Variants in TANK observed in about 807,000 individuals in gnomAD.
TANK encodes the protein TRAF family member associated NFKB activator.
In TANK, 15 loss-of-function variants were observed where a neutral mutation model predicts 43.6. The ratio of observed to expected loss-of-function variants is 0.34; its 90% CI spans 0.23 to 0.53. The LOEUF (loss-of-function observed/expected upper bound fraction) is 0.53, where lower values mean the gene tolerates loss of function less well. Ranked by LOEUF, TANK falls within the 20% of genes least tolerant of loss-of-function variation. The pLI, the probability that TANK is intolerant of heterozygous loss-of-function variation, is 0.94. For synonymous variants in TANK, 162 were observed against 178.2 expected, an observed-to-expected ratio of 0.91 and a Z score of 0.73; for missense variants, 417 against 498.6, an observed-to-expected ratio of 0.84 and a Z score of 1.56.
chr2:161,230,096 T>G (rs920184179), intron 6 of TANK, among the ~76,000 whole-genome samples: 1 of 152,222 alleles, frequency 6.6e-6, no homozygotes, highest in Non-Finnish European at 1.5e-5. Flanking sequence ...CCCTTTTAAT[T>G]TGCTGTTTCA....
intron 1 of TANK, among the ~76,000 whole-genome samples, chr2:161,169,999 C>T (rs1417412625): frequency 2.6e-5 from 4 of 152,188 alleles, no homozygotes; most frequent in African/African-American, 9.6e-5. Flanking sequence ...TAGGGAACCA[C>T]CTTCTTCATT....
At chr2:161,180,024 T>C (rs944622763) in intron 2 of TANK, 1 of 1,103,154 alleles carries the variant, frequency 9.1e-7, no homozygotes, top group Non-Finnish European at 1.1e-6. Context: ...CCATAAATAA[T>C]TTTAAAATAT....
intron 4 of TANK, chr2:161,219,666 G>A: frequency 2.4e-6 from 1 of 409,428 alleles, no homozygotes; most frequent in South Asian, 1.9e-5. Flanking sequence ...TTTTGGTCCT[G>A]TTTTATACCT....
At chr2:161,197,329 C>T (rs904455875) in intron 2 of TANK, 1 of 152,050 alleles carries the variant, frequency 6.6e-6, no homozygotes. Context: ...GTTTTCTTTG[C>T]TTGACAGAAT....
chr2:161,194,436 C>T (rs779105066), intron 2 of TANK, among the ~76,000 whole-genome samples: 7 of 151,446 alleles, frequency 4.6e-5, no homozygotes, highest in Non-Finnish European at 7.4e-5. Context: ...TTCTTTGTAC[C>T]GAGAAGAAAA....
In TANK at chr2:161,231,822, T is replaced by C. The variant is rs554166585; in HGVS notation, c.1101+271T>C. ...ATCCATATCTGTCGTGGTGTCACTT[T>C]CTTAGTTCCTTATTCAAAGCTTGTT... On this transcript the variant is annotated intron_variant, in intron 7 of 7. Transcript: ENST00000392749. Among the ~76,000 whole-genome samples, 12 of 152,362 alleles carry C rather than the reference T, an allele frequency of 7.9e-5. No homozygotes were observed. In the South Asian group the frequency reaches 2.3e-3, roughly 29 times the overall value.
chr2:161,158,329 T>C (rs1051149406), upstream of TANK, among the ~76,000 whole-genome samples: 3 of 152,226 alleles, frequency 2.0e-5, no homozygotes, highest in Non-Finnish European at 4.4e-5. Flanking sequence ...GTCAACTCAA[T>C]TTCTAACCTT....
At chr2:161,182,663 G>T (rs1033284645) in intron 2 of TANK, among the ~76,000 whole-genome samples, 1 of 152,066 alleles carries the variant, frequency 6.6e-6, no homozygotes, top group Non-Finnish European at 1.5e-5. Flanking sequence ...CTCCCCAGAA[G>T]TTCCCTGAAC....
At chr2:161,199,091 A>G (rs930878910) in intron 2 of TANK, among the ~76,000 whole-genome samples, 5 of 152,178 alleles carry the variant, frequency 3.3e-5, no homozygotes, top group African/African-American at 1.2e-4. Flanking sequence ...CTAAAGTGCT[A>G]TGTATTAGGA....
chr2:161,173,636 C>CT (rs567358633), intron 1 of TANK, among the ~76,000 whole-genome samples: 1,800 of 149,160 alleles, frequency 0.012, 37 homozygotes, highest in African/African-American at 0.041. Context: ...GTGCCCAGAC[C>CT]TTTTTTTTTT....
chr2:161,181,291 A>G (rs916081958), intron 2 of TANK, among the ~76,000 whole-genome samples: 1 of 152,166 alleles, frequency 6.6e-6, no homozygotes, highest in African/African-American at 2.4e-5. Flanking sequence ...ATGGTGGCAC[A>G]TGCCTTTAAT....
In TANK at chr2:161,179,712, G is replaced by A. The variant is rs757496129; in HGVS notation, c.50G>A (p.Arg17Gln). Residue 17 changes from arginine to glutamine, a missense_variant, in exon 2 of 8, where the codon CGG (arginine) becomes CAG (glutamine). Transcript: ENST00000392749. ...EQLNKAYEAF[R>Q]QACMDRDSAV... is the part of the protein sequence containing the mutation. The stretch of plus-strand genomic sequence containing the variant: ...CTCAATAAAGCGTATGAAGCCTTCC[G>A]GCAGGCATGCATGGATAGAGATTCT... 1.5e-5 allele frequency: 24 copies of A among 1,612,822 alleles called. No homozygotes were observed. The highest frequency in any genetic ancestry group is 1.4e-5 in the Non-Finnish European group (17 of 1,179,360).
At chr2:161,184,471 T>C (rs1685567866) in intron 2 of TANK, among the ~76,000 whole-genome samples, 2 of 152,194 alleles carry the variant, frequency 1.3e-5, no homozygotes, top group East Asian at 1.9e-4. Flanking sequence ...AAAATATCTA[T>C]TAATATACAT....
chr2:161,137,801 C>T (rs1683629941), intron 1 of TANK: 1 of 151,878 alleles, frequency 6.6e-6, no homozygotes, highest in African/African-American at 2.4e-5. Flanking sequence ...TGATGAAACC[C>T]CGTCTCTACT....
chr2:161,148,383 T>C (rs1245310920), intron 1 of TANK, among the ~76,000 whole-genome samples: 2 of 152,160 alleles, frequency 1.3e-5, no homozygotes, highest in African/African-American at 4.8e-5. Context: ...TTGTTTGTCT[T>C]TTTGTTGTTG....
chr2:161,164,818 A>G lies in TANK; in HGVS notation c.-50+4332A>G, dbSNP rs879913908. Among the ~76,000 whole-genome samples, 8 of 152,284 alleles carry G rather than the reference A, an allele frequency of 5.3e-5. No individual in the cohort carries two copies. In the East Asian group the frequency reaches 9.6e-4, roughly 18 times the overall value. On this transcript the variant is annotated intron_variant, in intron 1 of 7. Coordinates refer to ENST00000392749, the MANE Select transcript of TANK (RefSeq NM_001199135.3). ...TAATGTTAAGTGCATTCACATTGCT[A>G]TGCAACCAAGAAAAACATTTTTAAA...
chr2:161,178,460 G>C (rs1370953723), intron 1 of TANK, among the ~76,000 whole-genome samples: 1 of 149,518 alleles, frequency 6.7e-6, no homozygotes, highest in African/African-American at 2.5e-5. Flanking sequence ...CAAATTCGTA[G>C]AGACAAAAAA....
intron 4 of TANK, among the ~76,000 whole-genome samples, chr2:161,218,356 C>T (rs1052011442): frequency 3.9e-5 from 6 of 152,186 alleles, no homozygotes; most frequent in Non-Finnish European, 8.8e-5. Flanking sequence ...CAACCCTATG[C>T]TGGATAACTG....
intron 4 of TANK, among the ~76,000 whole-genome samples, chr2:161,205,303 A>C (rs1686598616): frequency 6.6e-6 from 1 of 152,194 alleles, no homozygotes; most frequent in African/African-American, 2.4e-5. Context: ...TGGGTAACAG[A>C]GTGAGACCCT....
Sources: allele counts gnomAD v4.1 joint callset (sites outside exome capture counted in the v4.1 genomes callset), GRCh38; gene constraint gnomAD v4.1.1; transcripts MANE v1.5; gene names NCBI Gene and HGNC (gene_info 2026-07-23, HGNC 2026-07-21).